Variants in THUMPD3 observed in about 807,000 individuals in gnomAD.
THUMPD3 encodes the protein THUMP domain 3 tRNA guanosine methyltransferase, also known as tRNA (guanine(6)-N(2))-methyltransferase THUMP3.
Under a neutral mutation model 54.5 loss-of-function variants are expected in THUMPD3, and 44 were observed. The ratio of observed to expected loss-of-function variants is 0.81; its 90% CI spans 0.63 to 1.04. The LOEUF is 1.04. Ranked by LOEUF, THUMPD3 falls within the 50% of genes least tolerant of loss-of-function variation. The pLI is 0.00. For missense variants in THUMPD3, 604 were observed against 601.3 expected (o/e 1.00, Z -0.05); for synonymous variants, 196 against 201.4 (o/e 0.97, Z 0.23).
At chr3:9,376,728 G>T (rs1316632441) in intron 5 of THUMPD3, among the ~76,000 whole-genome samples, 4 of 152,188 alleles carry the variant, frequency 2.6e-5, no homozygotes, top group Non-Finnish European at 5.9e-5. Context: ...GAGAAGGGAA[G>T]AAACCTACTG....
chr3:9,370,319 T>C (rs545129313), intron 3 of THUMPD3, among the ~76,000 whole-genome samples: 7 of 152,388 alleles, frequency 4.6e-5, no homozygotes, highest in African/African-American at 1.7e-4. Flanking sequence ...AATTTGTATC[T>C]GTTGAATGGC....
chr3:9,384,169 G>A (rs1035540608), intron 8 of THUMPD3, 43 bp from the exon 9 acceptor site: 1 of 1,600,080 alleles, frequency 6.2e-7, no homozygotes, highest in African/African-American at 1.4e-5. Flanking sequence ...CTTCTATTTT[G>A]TATCTTTTGC....
Position 9,384,537 on chromosome 3 carries a change from T to C in THUMPD3, c.1373T>C (p.Met458Thr), listed in dbSNP as rs2033191921. The change falls in exon 10 of 10, where the codon ATG becomes ACG. Residue 458 changes from methionine (M) to threonine (T), a missense_variant. Coordinates refer to ENST00000452837, the MANE Select transcript of THUMPD3 (RefSeq NM_001114092.2). The stretch of plus-strand genomic sequence containing the variant: ...GTGTGTACACAGGCGTTATCTGGAA[T>C]GCGACACGTATGGCGAAAGGTGGAT... ...TKCFTKALSGMRHVWRKVDTV... is the reference protein window; with the variant it reads ...TKCFTKALSGTRHVWRKVDTV... The C allele has an allele frequency of 6.2e-7, 1 of 1,614,130 alleles. No homozygotes were observed.
intron 5 of THUMPD3, among the ~76,000 whole-genome samples, chr3:9,375,146 C>T (rs746639426): frequency 1.7e-4 from 26 of 152,240 alleles, no homozygotes; most frequent in Non-Finnish European, 3.4e-4. Context: ...TGTAAGCCAC[C>T]GCGCCCGGTT....
chr3:9,365,061 C>A lies in THUMPD3; in HGVS notation c.-8C>A. The A allele has an allele frequency of 6.2e-7, 1 of 1,612,030 alleles. No individual in the cohort carries two copies. The highest frequency in any genetic ancestry group is 8.5e-7 in the Non-Finnish European group (1 of 1,178,522). On this transcript the variant is annotated 5_prime_UTR_variant, in exon 2 of 10. Transcript: ENST00000452837. ...GACAGTGTTAGGGATCTTGGAAGCA[C>A]AGCCAACATGTGTGACATTGAAGAA...
At chr3:9,372,301 C>T (rs957887674) in intron 4 of THUMPD3, among the ~76,000 whole-genome samples, 3 of 152,118 alleles carry the variant, frequency 2.0e-5, no homozygotes, top group African/African-American at 7.2e-5. Context: ...TAAGGCTGGG[C>T]GCAGTGGCTC....
rs147637066 is a variant in THUMPD3, at chr3:9,380,805, G to A, written c.1124+187G>A. The A allele has an allele frequency of 1.2e-3, 476 of 413,728 alleles. 9 individuals are homozygous for A. The East Asian group carries it at 0.019, about 16-fold the overall frequency. The allele number at this position is 413,728 out of a possible 1,614,324, so 25.6% of individuals were successfully genotyped here. ...TATATTTTTAAAATATTATTTTAGCGATAATTTCCCCACCATATGCAATTT... is the reference window on the plus strand; with the variant it reads ...TATATTTTTAAAATATTATTTTAGCAATAATTTCCCCACCATATGCAATTT... On this transcript the variant is annotated intron_variant, in intron 7 of 9. Transcript: ENST00000452837.
intron 2 of THUMPD3, 100 bp downstream of exon 2, chr3:9,365,420 G>T: frequency 7.1e-7 from 1 of 1,402,962 alleles, no homozygotes; most frequent in Non-Finnish European, 9.7e-7. Context: ...GATTTTCATT[G>T]CTCTGCCCCA....
rs2032024009 is a variant in THUMPD3, at chr3:9,371,368, T to C, written c.639T>C (p.Asp213=). The C allele has an allele frequency of 6.2e-7, 1 of 1,614,204 alleles. No individual in the cohort carries two copies. The highest frequency in any genetic ancestry group is 2.2e-5 in the East Asian group (1 of 44,886). Residue 213 remains aspartate (D), a synonymous_variant, in exon 4 of 10, where the codon GAT becomes GAC. Transcript: ENST00000452837. ...TGGCATCTTGCAAAGATGAGACTGA[T>C]GAAAGCTCAAAAGAAGAAACTGAGC... ...DDLASCKDET[D]ESSKEETEPQ... is the part of the protein sequence containing the mutation.
intron 1 of THUMPD3, 162 bp downstream of exon 1, chr3:9,363,289 C>T (rs1192498163): frequency 1.3e-5 from 2 of 152,220 alleles, no homozygotes; most frequent in East Asian, 1.9e-4. Context: ...GGCCTTTACC[C>T]GCTCCCTAGG....
At chr3:9,377,684 T>C in intron 5 of THUMPD3, 135 bp from the exon 6 acceptor site, 1 of 638,052 alleles carries the variant, frequency 1.6e-6, no homozygotes, top group South Asian at 2.1e-5. Flanking sequence ...CACAAATTGA[T>C]TTCTAAAATA....
In THUMPD3 at chr3:9,369,266, C is replaced by T. The variant is rs192970514; in HGVS notation, c.331-1794C>T. The stretch of plus-strand genomic sequence containing the variant: ...CAGAAGTTGCAGTGAGCCGAGATCA[C>T]GCCACTGCACTCTAGTCTGGGCAAC... On this transcript the variant is annotated intron_variant, in intron 3 of 9. Transcript: ENST00000452837. 1.5e-3 allele frequency among the ~76,000 whole-genome samples: 216 copies of T among 140,270 alleles called. 8 individuals carry two copies. The East Asian group carries it at 0.029, about 19-fold the overall frequency. The allele number at this position is 140,270 out of a possible 152,430, so 92.0% of individuals were successfully genotyped here.
intron 5 of THUMPD3, among the ~76,000 whole-genome samples, chr3:9,377,045 T>C (rs755986927): frequency 2.3e-4 from 35 of 152,188 alleles, no homozygotes; most frequent in Non-Finnish European, 4.9e-4. Context: ...TTTTTTTATA[T>C]CAAGATTAGC....
At position 9,386,095 on chromosome 3, in the gene THUMPD3, G is replaced by A. The variant is rs1022670882; in HGVS notation, c.*1407G>A. Reference sequence around the variant, plus strand: ...GAGAATAAAAGGACACAATACTTTTGAAAGAAGAGTTCACATTAGCAGCAC... The same window carrying A: ...GAGAATAAAAGGACACAATACTTTTAAAAGAAGAGTTCACATTAGCAGCAC... On this transcript the variant is annotated 3_prime_UTR_variant, in exon 10 of 10. Transcript: ENST00000452837. 6.6e-6 allele frequency: 1 copy of A among 152,154 alleles called. No individual in the cohort carries two copies. Among genetic ancestry groups the A allele is most frequent in the Admixed American group, 6.5e-5 (1 of 15,282 alleles). 9.4% of individuals were successfully genotyped at this position (152,154 alleles called of 1,614,324 possible). A position where few individuals can be genotyped will look rare whatever the true frequency, so the allele number is the denominator to read the frequency against.
intron 7 of THUMPD3, among the ~76,000 whole-genome samples, chr3:9,381,181 G>A (rs142196679): frequency 0.01 from 1,587 of 152,268 alleles, 14 homozygotes; most frequent in Non-Finnish European, 0.017. Flanking sequence ...AGATTCTGCC[G>A]CTTCAGCCTT....
intron 7 of THUMPD3, among the ~76,000 whole-genome samples, chr3:9,381,310 C>T (rs2032872793): frequency 6.6e-6 from 1 of 152,176 alleles, no homozygotes; most frequent in Non-Finnish European, 1.5e-5. Flanking sequence ...TATTTTATTA[C>T]TAAGTCATTG....
Position 9,374,595 on chromosome 3 carries a change from C to T in THUMPD3, c.887C>T (p.Thr296Ile). ...GAGAGTCTCCACCGAAGAAATATAA[C>T]ACATTTTGGACCTACAACTCTTAGA... is the stretch of plus-strand genomic sequence containing the variant. ...TEESLHRRNITHFGPTTLRST... is the reference protein window; with the variant it reads ...TEESLHRRNIIHFGPTTLRST... The change falls in exon 5 of 10, where the codon ACA becomes ATA. Residue 296 changes from threonine (T) to isoleucine (I), a missense_variant. Thr to Ile is a moderately conservative substitution (Grantham distance 89). Coordinates refer to ENST00000452837, the MANE Select transcript of THUMPD3 (RefSeq NM_001114092.2). The T allele has an allele frequency of 6.2e-7, 1 of 1,614,046 alleles. No homozygotes were observed. Among genetic ancestry groups the T allele is most frequent in the Non-Finnish European group, 8.5e-7 (1 of 1,179,984 alleles).
At chr3:9,384,393 A>G in intron 9 of THUMPD3, 58 bp downstream of exon 9, 2 of 1,597,650 alleles carry the variant, frequency 1.3e-6, no homozygotes, top group East Asian at 4.5e-5. Context: ...TCTTTTTGAG[A>G]TTTGGGGATG....
chr3:9,374,091 C>G (rs1171931161), intron 4 of THUMPD3, among the ~76,000 whole-genome samples: 1 of 152,196 alleles, frequency 6.6e-6, no homozygotes, highest in African/African-American at 2.4e-5. Context: ...AAGGCAATCA[C>G]TAATCTGACT....
Sources: allele counts gnomAD v4.1 joint callset (sites outside exome capture counted in the v4.1 genomes callset), GRCh38; gene constraint gnomAD v4.1.1; transcripts MANE v1.5; gene names NCBI Gene and HGNC (gene_info 2026-07-23, HGNC 2026-07-21).